Variants in COG5 observed in about 807,000 individuals in gnomAD.
COG5 encodes the protein component of oligomeric golgi complex 5.
Under a neutral mutation model 110.4 loss-of-function variants are expected in COG5, and 86 were observed. That is an observed-to-expected ratio of 0.78 (90% CI 0.65 to 0.93). The LOEUF is 0.93. Ranked by LOEUF, COG5 falls within the 40% of genes least tolerant of loss-of-function variation. The pLI, the probability that COG5 is intolerant of heterozygous loss-of-function variation, is 0.00. For missense variants in COG5, 1,077 were observed against 987.0 expected (o/e 1.09, Z -1.22); for synonymous variants, 360 against 334.6 (o/e 1.08, Z -0.83).
At chr7:107,401,140 T>C (rs1024399) in intron 7 of COG5, among the ~76,000 whole-genome samples, 11,080 of 151,998 alleles carry the variant, frequency 0.073, 482 homozygotes, top group African/African-American at 0.13. Context: ...TGCGGCAACA[T>C]AAAAAAACAG....
intron 13 of COG5, 61 bp from the exon 14 acceptor site, chr7:107,281,460 G>C: frequency 8.0e-7 from 1 of 1,253,650 alleles, no homozygotes; most frequent in Non-Finnish European, 1.2e-6. Context: ...AAAGTAAAGA[G>C]CAAGATAAAA....
At chr7:107,281,479 C>A in intron 13 of COG5, 80 bp from the exon 14 acceptor site, 1 of 1,018,174 alleles carries the variant, frequency 9.8e-7, no homozygotes, top group South Asian at 1.3e-5. Context: ...AAACTCAAAC[C>A]CAATAAGCAA....
At chr7:107,358,767 A>C (rs1469598170) in intron 10 of COG5, among the ~76,000 whole-genome samples, 3 of 152,178 alleles carry the variant, frequency 2.0e-5, no homozygotes, top group Non-Finnish European at 4.4e-5. Flanking sequence ...TCATAAGCTC[A>C]AGTTGAGTTT....
rs527264653 is a variant in COG5 at position 107,415,287 on chromosome 7, G to A, written c.539-2655C>T. 5.3e-5 allele frequency among the ~76,000 whole-genome samples: 8 copies of A among 152,098 alleles called. No individual in the cohort carries two copies. The East Asian group carries it at 7.7e-4, about 15-fold the overall frequency. ...TCAAAGAAGTTAAAAATTAAAAAGT[G>A]GAAATATAAGCAGATTATTTACAGA... On this transcript the variant is annotated intron_variant, in intron 6 of 21. Coordinates refer to ENST00000297135, the MANE Select transcript of COG5 (RefSeq NM_006348.5).
chr7:107,395,520 C>T (rs1314609942), intron 7 of COG5, among the ~76,000 whole-genome samples: 5 of 137,068 alleles, frequency 3.6e-5, no homozygotes, highest in African/African-American at 5.5e-5. Context: ...CAAATCAAAT[C>T]GTCTTTACCA....
At chr7:107,534,536 T>TGAAAC (rs1801442780) in intron 5 of COG5, among the ~76,000 whole-genome samples, 4 of 150,018 alleles carry the variant, frequency 2.7e-5, no homozygotes, top group Non-Finnish European at 5.9e-5. Flanking sequence ...TCTGACTGTT[T>TGAAAC]AGACTTTAAA....
intron 14 of COG5, among the ~76,000 whole-genome samples, chr7:107,258,927 A>C (rs1027151649): frequency 2.6e-5 from 4 of 152,108 alleles, no homozygotes; most frequent in Admixed American, 6.6e-5. Flanking sequence ...ATCCTAATAC[A>C]CTAATGAAAT....
intron 14 of COG5, among the ~76,000 whole-genome samples, chr7:107,263,850 A>C (rs962441660): frequency 6.6e-6 from 1 of 152,172 alleles, no homozygotes; most frequent in African/African-American, 2.4e-5. Context: ...TTTTTATATA[A>C]CTGTTAATCT....
chr7:107,434,614 A>C (rs1257252689), intron 6 of COG5, among the ~76,000 whole-genome samples: 1 of 152,200 alleles, frequency 6.6e-6, no homozygotes, highest in African/African-American at 2.4e-5. Flanking sequence ...TAAAATTTTA[A>C]AAAAAGATAA....
chr7:107,535,978 C>G (rs1801556158), intron 5 of COG5, among the ~76,000 whole-genome samples: 1 of 152,102 alleles, frequency 6.6e-6, no homozygotes, highest in African/African-American at 2.4e-5. Flanking sequence ...CGGCTTAATC[C>G]CTGGGATGCA....
intron 10 of COG5, among the ~76,000 whole-genome samples, chr7:107,337,399 G>T (rs1327248462): frequency 1.3e-5 from 2 of 152,120 alleles, no homozygotes; most frequent in Admixed American, 1.3e-4. Flanking sequence ...AGCGTCCATT[G>T]AAGGATGAAT....
In COG5 at chr7:107,372,695, A is replaced by G. The variant is rs116603307; in HGVS notation, c.735T>C (p.Ile245=). ...FYNLGTLKDT[I]TSVVDGYCAT... is the part of the protein sequence containing the mutation. ...CACAATATCCATCCACAACACTGGT[A>G]ATAGTATCCTTCAAAGTTCCAAGAT... Residue 245 remains isoleucine, a synonymous_variant, in exon 8 of 22, where the codon ATT becomes ATC. Transcript: ENST00000297135. The G allele has an allele frequency of 6.2e-7, 1 of 1,613,500 alleles. No individual in the cohort carries two copies. The highest frequency in any genetic ancestry group is 1.1e-5 in the South Asian group (1 of 91,050).
chr7:107,362,452 T>TA (rs1813208855), intron 8 of COG5, 32 bp from the exon 9 acceptor site: 1 of 1,487,232 alleles, frequency 6.7e-7, no homozygotes, highest in East Asian at 2.3e-5. Context: ...CAATGAAAAA[T>TA]AAAGTTTTCC....
chr7:107,513,648 C>A (rs1412226454), intron 6 of COG5, among the ~76,000 whole-genome samples: 1 of 152,068 alleles, frequency 6.6e-6, no homozygotes, highest in Non-Finnish European at 1.5e-5. Context: ...GGAACCAACC[C>A]AAATGTCCAA....
chr7:107,224,568 C>CT (rs1157244493), intron 19 of COG5, among the ~76,000 whole-genome samples: 1 of 152,220 alleles, frequency 6.6e-6, no homozygotes, highest in African/African-American at 2.4e-5. Context: ...TGAGGCCTGC[C>CT]TGAAGGCAGG....
intron 6 of COG5, among the ~76,000 whole-genome samples, chr7:107,476,183 T>TAAAAAAAAAAAAAAAAAAAGA (rs1563056700): frequency 1.2e-5 from 1 of 86,514 alleles, no homozygotes; most frequent in African/African-American, 5.8e-5. Flanking sequence ...TGCAATGATT[T>TAAAAAAAAAAAAAAAAAAAGA]TAAAAAAAAA....
chr7:107,455,698 GTA>G (rs1795622642), intron 6 of COG5, among the ~76,000 whole-genome samples: 1 of 152,116 alleles, frequency 6.6e-6, no homozygotes, highest in African/African-American at 2.4e-5. Context: ...GCATAAATTT[GTA>G]TAGTTTATGA....
At chr7:107,381,021 C>A (rs1359250310) in intron 7 of COG5, among the ~76,000 whole-genome samples, 1 of 152,056 alleles carries the variant, frequency 6.6e-6, no homozygotes, top group African/African-American at 2.4e-5. Context: ...ATAAATAGAA[C>A]CCATAAATTC....
chr7:107,258,435 C>T (rs1803054461), intron 14 of COG5, 52 bp from the exon 15 acceptor site: 1 of 916,848 alleles, frequency 1.1e-6, no homozygotes, highest in Non-Finnish European at 1.8e-6. Context: ...TTCTCTCTCT[C>T]TCTCTCTCTC....
Sources: gnomAD v4.1 joint callset for allele counts (sites outside exome capture counted in the v4.1 genomes callset) on GRCh38, gnomAD v4.1.1 for gene constraint, MANE v1.5 for transcripts, NCBI Gene and HGNC (gene_info 2026-07-23, HGNC 2026-07-21) for gene names.